The following POU2F3 variants were observed in gnomAD, a reference collection of about 807,000 sequenced individuals.
POU2F3 encodes POU domain, class 2, transcription factor 3.
Under a neutral mutation model 59.2 loss-of-function variants are expected in POU2F3, and 23 were observed. The observed-to-expected ratio is 0.39, with a 90% CI of 0.28 to 0.55. The LOEUF is 0.55. POU2F3 is among the 20% of genes least tolerant of loss of function. The pLI, the probability that POU2F3 is intolerant of heterozygous loss-of-function variation, is 0.66. For missense variants in POU2F3, 473 were observed against 544.5 expected, an observed-to-expected ratio of 0.87 and a Z score of 1.31; for synonymous variants, 190 against 214.6, an observed-to-expected ratio of 0.89 and a Z score of 1.00.
chr11:120,242,861 G>A (rs974030329), intron 1 of POU2F3, among the ~76,000 whole-genome samples: 4 of 152,160 alleles, frequency 2.6e-5, no homozygotes, highest in African/African-American at 9.7e-5. Flanking sequence ...GGGGCTCCCT[G>A]CTCCCTGACT....
chr11:120,317,514 C>T (rs1941820173), intron 12 of POU2F3, 150 bp downstream of exon 12: 1 of 1,167,320 alleles, frequency 8.6e-7, no homozygotes, highest in East Asian at 2.5e-5. Flanking sequence ...GACAGCCAGA[C>T]TGGACTTTAT....
At chr11:120,302,407 CT>C in intron 6 of POU2F3, 39 bp downstream of exon 6, 1 of 1,535,684 alleles carries the variant, frequency 6.5e-7, no homozygotes, top group South Asian at 1.1e-5. Context: ...CTAGGAATGT[CT>C]CAGCTCTCAC....
chr11:120,252,206 CTT>C (rs1157582096), intron 2 of POU2F3, among the ~76,000 whole-genome samples: 19 of 124,778 alleles, frequency 1.5e-4, no homozygotes, highest in Admixed American at 1.6e-4. Flanking sequence ...TTCTGCTTTT[CTT>C]TTTTTTTTTT....
At chr11:120,296,473 AGTTG>A (rs1941195746) in intron 3 of POU2F3, among the ~76,000 whole-genome samples, 1 of 152,124 alleles carries the variant, frequency 6.6e-6, no homozygotes, top group African/African-American at 2.4e-5. Flanking sequence ...GTATCATGGG[AGTTG>A]GTTGTACAGA....
At chr11:120,270,494 G>C (rs1269310000) in intron 3 of POU2F3, among the ~76,000 whole-genome samples, 2 of 152,154 alleles carry the variant, frequency 1.3e-5, no homozygotes, top group Non-Finnish European at 2.9e-5. Context: ...AGGATGAGTA[G>C]GAAGTTTTAG....
intron 3 of POU2F3, among the ~76,000 whole-genome samples, chr11:120,278,309 C>T (rs1180851662): frequency 6.6e-6 from 1 of 152,084 alleles, no homozygotes; most frequent in Non-Finnish European, 1.5e-5. Flanking sequence ...CTGCCCTCAG[C>T]CCAATAAATG....
intron 2 of POU2F3, among the ~76,000 whole-genome samples, chr11:120,264,013 C>T (rs1453113114): frequency 2.6e-5 from 4 of 152,158 alleles, no homozygotes; most frequent in Admixed American, 2.6e-4. Context: ...GCCTCTGGGA[C>T]CTCACAATCT....
chr11:120,317,661 G>C (rs1015894956), intron 12 of POU2F3, among the ~76,000 whole-genome samples: 8 of 152,174 alleles, frequency 5.3e-5, no homozygotes, highest in Admixed American at 6.5e-5. Context: ...GAAAGAGCCA[G>C]GTCCTTTGCT....
Position 120,286,416 on chromosome 11 carries a change from G to A in POU2F3, c.133-11849G>A, listed in dbSNP as rs551613513. On this transcript the variant is annotated intron_variant, in intron 3 of 12. Transcript: ENST00000543440. Reference sequence around the variant, plus strand: ...GTGAGATCCAGGCGGGCCAGAGCACGGTGTAACTATTTGTTCATCTAGCCA... The same window carrying A: ...GTGAGATCCAGGCGGGCCAGAGCACAGTGTAACTATTTGTTCATCTAGCCA... Among the ~76,000 whole-genome samples, 18 of 152,268 alleles carry A rather than the reference G, an allele frequency of 1.2e-4. No homozygotes were observed. In the South Asian group the frequency reaches 3.3e-3, roughly 28 times the overall value.
intron 4 of POU2F3, among the ~76,000 whole-genome samples, 163 bp from the exon 5 acceptor site, chr11:120,299,461 G>A (rs1941282438): frequency 6.6e-6 from 1 of 152,206 alleles, no homozygotes; most frequent in African/African-American, 2.4e-5. Context: ...TAACGGAGTA[G>A]CTACTATTTG....
chr11:120,267,248 C>A (rs1939864695), intron 2 of POU2F3, among the ~76,000 whole-genome samples: 2 of 152,058 alleles, frequency 1.3e-5, no homozygotes, highest in Admixed American at 1.3e-4. Context: ...CCTGCCTCAC[C>A]CTCCCGAATA....
intron 3 of POU2F3, among the ~76,000 whole-genome samples, chr11:120,276,289 G>A (rs1940321519): frequency 6.6e-6 from 1 of 152,166 alleles, no homozygotes; most frequent in Non-Finnish European, 1.5e-5. Flanking sequence ...GTACATCATG[G>A]TCCCTGCCCA....
chr11:120,244,729 C>T (rs1296845554), intron 1 of POU2F3, among the ~76,000 whole-genome samples: 1 of 152,192 alleles, frequency 6.6e-6, no homozygotes, highest in East Asian at 1.9e-4. Flanking sequence ...AGGCAATGCC[C>T]AGCTCCAGGG....
intron 2 of POU2F3, among the ~76,000 whole-genome samples, chr11:120,264,946 G>A (rs949340468): frequency 6.6e-6 from 1 of 152,228 alleles, no homozygotes; most frequent in South Asian, 2.1e-4. Flanking sequence ...CTTCAGTACT[G>A]TTTCAAAGAT....
rs1565386378 is a variant in POU2F3 at position 120,305,164 on chromosome 11, G to C, written c.579G>C (p.Lys193Asn). 1.9e-6 allele frequency: 3 copies of C among 1,613,786 alleles called. No homozygotes were observed. The highest frequency in any genetic ancestry group is 2.5e-6 in the Non-Finnish European group (3 of 1,179,982). ...CCAGTGACCTCGAGGAGCTGGAGAAGTTTGCCAAGACCTTCAAGCAGAGGC... is the reference window on the plus strand; with the variant it reads ...CCAGTGACCTCGAGGAGCTGGAGAACTTTGCCAAGACCTTCAAGCAGAGGC... The part of the protein sequence containing the change: ...DEPSDLEELE[K>N]FAKTFKQRRI... The change falls in exon 7 of 13, where the codon AAG becomes AAC. Residue 193 changes from lysine (K) to asparagine (N), a missense_variant. Lys to Asn is a moderately conservative substitution (Grantham distance 94). Transcript: ENST00000543440.
At position 120,285,497 on chromosome 11, in the gene POU2F3, C is replaced by T. The variant is rs115999756; in HGVS notation, c.133-12768C>T. On this transcript the variant is annotated intron_variant, in intron 3 of 12. Coordinates refer to ENST00000543440, the MANE Select transcript of POU2F3 (RefSeq NM_014352.4). The surrounding 1 kb of genome is among the most constrained non-coding windows in gnomAD (Gnocchi z 4.3). Reference sequence around the variant, plus strand: ...TGTGTAAATATCCTGGATCTGTAAACGATTCCATATGTTATGCTGCTGAAT... The same window carrying T: ...TGTGTAAATATCCTGGATCTGTAAATGATTCCATATGTTATGCTGCTGAAT... 0.019 allele frequency among the ~76,000 whole-genome samples: 2,891 copies of T among 152,254 alleles called. 84 individuals carry two copies. Among genetic ancestry groups the T allele is most frequent in the African/African-American group, 0.064 (2,673 of 41,510 alleles).
chr11:120,273,381 A>G (rs1206694333), intron 3 of POU2F3, among the ~76,000 whole-genome samples: 1 of 152,168 alleles, frequency 6.6e-6, no homozygotes, highest in Non-Finnish European at 1.5e-5. Context: ...TACAGAAGAG[A>G]TGGTGTCTGA....
chr11:120,264,534 G>A (rs1194659680), intron 2 of POU2F3, among the ~76,000 whole-genome samples: 1 of 152,180 alleles, frequency 6.6e-6, no homozygotes, highest in Non-Finnish European at 1.5e-5. Flanking sequence ...AGAGGGAGCA[G>A]CATATGCAAA....
At chr11:120,305,820 G>C (rs1310189859) in intron 8 of POU2F3, 35 bp downstream of exon 8, 1 of 1,610,446 alleles carries the variant, frequency 6.2e-7, no homozygotes, top group Non-Finnish European at 8.5e-7. Flanking sequence ...AGGGGCCCTA[G>C]AGGGCTCTGC....
Sources: gnomAD v4.1 joint callset for allele counts (sites outside exome capture counted in the v4.1 genomes callset) on GRCh38, gnomAD v4.1.1 for gene constraint, Gnocchi (gnomAD v3.1) non-coding constraint, MANE v1.5 for transcripts, NCBI Gene and HGNC (gene_info 2026-07-23, HGNC 2026-07-21) for gene names.